The following FAM120A variants were observed in gnomAD, a reference collection of about 807,000 sequenced individuals.
FAM120A encodes the protein constitutive coactivator of PPAR-gamma-like protein 1.
Under a neutral mutation model 109.7 loss-of-function variants are expected in FAM120A, and 15 were observed. That is an observed-to-expected ratio of 0.14 (90% CI 0.09 to 0.21). The LOEUF is 0.21. FAM120A is among the 10% of genes least tolerant of loss of function. FAM120A has a pLI of 1.00. For synonymous variants in FAM120A, 493 were observed against 572.8 expected, an observed-to-expected ratio of 0.86 and a Z score of 1.99; for missense variants, 899 against 1,439.3, an observed-to-expected ratio of 0.62 and a Z score of 6.07.
intron 10 of FAM120A, among the ~76,000 whole-genome samples, chr9:93,541,462 C>T (rs117600352): frequency 1.0e-3 from 156 of 152,182 alleles, no homozygotes; most frequent in Non-Finnish European, 1.5e-3. Context: ...GTGCGTCCAA[C>T]GACAGGATAT....
intron 5 of FAM120A, among the ~76,000 whole-genome samples, chr9:93,512,105 GTTTTGTT>G (rs1434406251): frequency 1.3e-5 from 2 of 152,044 alleles, no homozygotes; most frequent in Admixed American, 6.6e-5. Context: ...TTTTTGTTTT[GTTTTGTT>G]TTTTGTTTTT....
chr9:93,538,572 G>A (rs35540150), intron 10 of FAM120A, among the ~76,000 whole-genome samples: 11,699 of 152,182 alleles, frequency 0.077, 582 homozygotes, highest in Non-Finnish European at 0.1. Flanking sequence ...TCATCTGCCC[G>A]CATCTCTTCC....
chr9:93,477,604 G>C (rs1054871980), intron 3 of FAM120A, among the ~76,000 whole-genome samples: 7 of 152,184 alleles, frequency 4.6e-5, no homozygotes, highest in Non-Finnish European at 1.0e-4. Context: ...GGACTTAAGA[G>C]CACTGCACCT....
At chr9:93,487,240 C>A (rs1859100485) in intron 3 of FAM120A, among the ~76,000 whole-genome samples, 1 of 152,172 alleles carries the variant, frequency 6.6e-6, no homozygotes, top group African/African-American at 2.4e-5. Flanking sequence ...TAGCTCACTG[C>A]AACCTCCGCT....
chr9:93,476,046 C>G (rs1858533577), intron 2 of FAM120A, among the ~76,000 whole-genome samples: 1 of 152,168 alleles, frequency 6.6e-6, no homozygotes. Context: ...AGGTTGAATG[C>G]TGTTGGGACT....
chr9:93,538,136 A>G (rs1861584166), intron 10 of FAM120A, among the ~76,000 whole-genome samples: 1 of 152,034 alleles, frequency 6.6e-6, no homozygotes, highest in African/African-American at 2.4e-5. Context: ...TATGAACAGC[A>G]TTTATCTACA....
In FAM120A at chr9:93,561,161, G is replaced by T. The variant is rs1284253860; in HGVS notation, c.2859G>T (p.Val953=). 5 of 1,613,864 alleles carry T rather than the reference G, an allele frequency of 3.1e-6. No homozygotes were observed. Among genetic ancestry groups the T allele is most frequent in the Non-Finnish European group, 4.2e-6 (5 of 1,180,044 alleles). ...GCAAACTAGAAATAGCTGGCACTGT[G>T]GTTGGCCATTGGGCTGGGAGCAGGC... ...QGGKLEIAGT[V]VGHWAGSRRG... is the part of the protein sequence containing the mutation. The change falls in exon 16 of 18, where the codon GTG becomes GTT. Residue 953 remains valine, a synonymous_variant. Coordinates refer to ENST00000277165, the MANE Select transcript of FAM120A (RefSeq NM_014612.5).
intron 12 of FAM120A, 119 bp downstream of exon 12, chr9:93,550,810 A>G: frequency 1.5e-6 from 1 of 669,608 alleles, no homozygotes. Flanking sequence ...TTAGTCCACT[A>G]AACTAATAAT....
At chr9:93,480,998 A>C (rs571772754) in intron 3 of FAM120A, among the ~76,000 whole-genome samples, 5 of 152,346 alleles carry the variant, frequency 3.3e-5, no homozygotes, top group African/African-American at 1.2e-4. Context: ...CATGGGCTCC[A>C]GTCCCAAGCC....
At chr9:93,502,367 T>C (rs1455713855) in intron 5 of FAM120A, among the ~76,000 whole-genome samples, 4 of 152,206 alleles carry the variant, frequency 2.6e-5, no homozygotes, top group African/African-American at 9.7e-5. Context: ...TATTTTAGCA[T>C]CTTAATTGGG....
intron 9 of FAM120A, chr9:93,530,626 A>G (rs957016646): frequency 3.9e-5 from 6 of 152,332 alleles, no homozygotes; most frequent in East Asian, 1.9e-4. Flanking sequence ...AATGCCTCCA[A>G]ATCTCATCTA....
intron 16 of FAM120A, among the ~76,000 whole-genome samples, chr9:93,561,735 A>C (rs1278412845): frequency 6.6e-6 from 1 of 152,196 alleles, no homozygotes; most frequent in Non-Finnish European, 1.5e-5. Context: ...TCCCATTTAT[A>C]GTATTATGTA....
intron 12 of FAM120A, among the ~76,000 whole-genome samples, chr9:93,550,983 T>C (rs1359942495): frequency 2.0e-5 from 3 of 152,226 alleles, no homozygotes; most frequent in Non-Finnish European, 4.4e-5. Flanking sequence ...TATCACATCA[T>C]GAAATAAACT....
At chr9:93,548,030 G>A (rs1345199098) in intron 11 of FAM120A, among the ~76,000 whole-genome samples, 1 of 152,060 alleles carries the variant, frequency 6.6e-6, no homozygotes, top group Non-Finnish European at 1.5e-5. Context: ...AATTCTGAGA[G>A]TCTTAGCTGC....
chr9:93,544,150 G>C (rs934235636), intron 11 of FAM120A, among the ~76,000 whole-genome samples: 3 of 152,152 alleles, frequency 2.0e-5, no homozygotes, highest in Non-Finnish European at 4.4e-5. Context: ...ATCCAGCTCT[G>C]CCTTATCCTT....
intron 3 of FAM120A, among the ~76,000 whole-genome samples, chr9:93,488,529 A>G (rs758589514): frequency 6.6e-6 from 1 of 152,220 alleles, no homozygotes; most frequent in Non-Finnish European, 1.5e-5. Context: ...AGTCTCAGCT[A>G]CCATGAAATA....
intron 1 of FAM120A, among the ~76,000 whole-genome samples, chr9:93,468,610 T>G (rs1173634922): frequency 1.3e-5 from 2 of 152,234 alleles, no homozygotes; most frequent in African/African-American, 4.8e-5. Flanking sequence ...ACCACAAAGT[T>G]TTACATAGTT....
At chr9:93,554,120 TACACAC>T (rs10672125) in intron 12 of FAM120A, among the ~76,000 whole-genome samples, 1,900 of 87,388 alleles carry the variant, frequency 0.022, 30 homozygotes, top group Admixed American at 0.041. Context: ...GGCCATTTGA[TACACAC>T]ACACACACAC....
Position 93,558,600 on chromosome 9 carries a change from C to T in FAM120A, c.2688C>T (p.Gly896=). The T allele has an allele frequency of 2.5e-6, 4 of 1,614,184 alleles. No homozygotes were observed. The highest frequency in any genetic ancestry group is 2.5e-6 in the Non-Finnish European group (3 of 1,180,022). Residue 896 remains glycine, a synonymous_variant, in exon 15 of 18, where the codon GGC becomes GGT. Coordinates refer to ENST00000277165, the MANE Select transcript of FAM120A (RefSeq NM_014612.5). The part of the protein sequence containing the change: ...RGFAGVCGFG[G]PYGETVATGP... ...CCACAGGCGTCTGTGGCTTTGGAGG[C>T]CCCTATGGGGAAACGGTAGCAACAG...
Sources: allele counts gnomAD v4.1 joint callset (sites outside exome capture counted in the v4.1 genomes callset), GRCh38; gene constraint gnomAD v4.1.1; transcripts MANE v1.5; gene names NCBI Gene and HGNC (gene_info 2026-07-23, HGNC 2026-07-21).